Variants in RAB3C observed in about 807,000 individuals in gnomAD.
The protein encoded by RAB3C is ras-related protein Rab-3C.
In RAB3C, 17 loss-of-function variants were observed where a neutral mutation model predicts 26.4. That is an observed-to-expected ratio of 0.64 (90% CI 0.44 to 0.97). RAB3C has a LOEUF of 0.97. RAB3C is among the 50% of genes least tolerant of loss of function. The pLI, the probability that RAB3C is intolerant of heterozygous loss-of-function variation, is 0.00. For missense variants in RAB3C, 242 were observed against 281.9 expected, an observed-to-expected ratio of 0.86 and a Z score of 1.01; for synonymous variants, 91 against 95.9, an observed-to-expected ratio of 0.95 and a Z score of 0.30.
chr5:58,821,208 C>A (rs118136026), intron 3 of RAB3C, among the ~76,000 whole-genome samples: 1 of 152,168 alleles, frequency 6.6e-6, no homozygotes, highest in Non-Finnish European at 1.5e-5. Context: ...TCTGGTGAAC[C>A]CCTTGTCACT....
chr5:58,616,950 C>T (rs1746836645), intron 1 of RAB3C, among the ~76,000 whole-genome samples: 1 of 152,094 alleles, frequency 6.6e-6, no homozygotes, highest in Admixed American at 6.6e-5. Flanking sequence ...CTATTAACAC[C>T]TATATGAAGT....
intron 2 of RAB3C, among the ~76,000 whole-genome samples, chr5:58,688,575 C>G (rs1748494982): frequency 6.6e-6 from 1 of 152,144 alleles, no homozygotes; most frequent in Non-Finnish European, 1.5e-5. Context: ...TTTAGCTCCT[C>G]AACTCTCCTA....
At chr5:58,636,197 T>A (rs1747286180) in intron 2 of RAB3C, among the ~76,000 whole-genome samples, 1 of 152,204 alleles carries the variant, frequency 6.6e-6, no homozygotes, top group Non-Finnish European at 1.5e-5. Flanking sequence ...CTGCTCAGTT[T>A]CAAAGAGATC....
intron 3 of RAB3C, among the ~76,000 whole-genome samples, chr5:58,782,935 G>A (rs1285150308): frequency 2.6e-5 from 4 of 151,884 alleles, no homozygotes; most frequent in Admixed American, 6.6e-5. Context: ...GTCCCATAAT[G>A]TTATTTTTTT....
At chr5:58,725,880 G>C in intron 2 of RAB3C, 122 bp from the exon 3 acceptor site, 1 of 523,796 alleles carries the variant, frequency 1.9e-6, no homozygotes, top group Non-Finnish European at 3.4e-6. Context: ...AAAAAAGATA[G>C]ACAGCTATAC....
rs555828750 is a variant in RAB3C, at chr5:58,675,400, C to T, written c.253-50602C>T. Among the ~76,000 whole-genome samples the T allele has an allele frequency of 1.9e-4, 29 of 152,174 alleles. No individual in the cohort carries two copies. The South Asian group carries it at 5.4e-3, about 28-fold the overall frequency. ...CTTTTGAAGTTCCTTTGCAAAGATCCATTTTAAACTTTCTGTATATTGTAA... is the reference window on the plus strand; with the variant it reads ...CTTTTGAAGTTCCTTTGCAAAGATCTATTTTAAACTTTCTGTATATTGTAA... On this transcript the variant is annotated intron_variant, in intron 2 of 4. Coordinates refer to ENST00000282878, the MANE Select transcript of RAB3C (RefSeq NM_138453.4).
chr5:58,761,424 G>C (rs1007638657), intron 3 of RAB3C, among the ~76,000 whole-genome samples: 1 of 151,746 alleles, frequency 6.6e-6, no homozygotes, highest in Admixed American at 6.6e-5. Flanking sequence ...AATTTAATTT[G>C]GGGGTAACAA....
intron 1 of RAB3C, among the ~76,000 whole-genome samples, chr5:58,584,792 A>C (rs1745977244): frequency 6.6e-6 from 1 of 151,858 alleles, no homozygotes; most frequent in Admixed American, 6.6e-5. Flanking sequence ...ATATTTTTTC[A>C]ATCAAAATAA....
At chr5:58,661,127 C>G (rs1432862752) in intron 2 of RAB3C, among the ~76,000 whole-genome samples, 1 of 149,700 alleles carries the variant, frequency 6.7e-6, no homozygotes, top group Non-Finnish European at 1.5e-5. Flanking sequence ...TCATTTCTTT[C>G]AGGAAATAAA....
intron 2 of RAB3C, among the ~76,000 whole-genome samples, chr5:58,694,695 C>A (rs1185394055): frequency 6.6e-6 from 1 of 152,184 alleles, no homozygotes; most frequent in Non-Finnish European, 1.5e-5. Flanking sequence ...TGATGATGAG[C>A]ATTTTTTCAT....
chr5:58,702,192 T>C (rs969163087), intron 2 of RAB3C, among the ~76,000 whole-genome samples: 1 of 152,186 alleles, frequency 6.6e-6, no homozygotes, highest in African/African-American at 2.4e-5. Context: ...CACTTACTCT[T>C]ATGTGTAATT....
At chr5:58,737,465 G>C (rs1416749081) in intron 3 of RAB3C, among the ~76,000 whole-genome samples, 1 of 121,012 alleles carries the variant, frequency 8.3e-6, no homozygotes, top group Non-Finnish European at 1.7e-5. Flanking sequence ...CTTGTTTACT[G>C]TGTTTATTGG....
intron 2 of RAB3C, among the ~76,000 whole-genome samples, chr5:58,711,207 C>T (rs1749053261): frequency 6.6e-6 from 1 of 152,194 alleles, no homozygotes; most frequent in African/African-American, 2.4e-5. Flanking sequence ...TTTATTTTCT[C>T]TTCTCCCCTG....
intron 3 of RAB3C, among the ~76,000 whole-genome samples, chr5:58,789,506 C>A (rs919492874): frequency 6.6e-6 from 1 of 152,106 alleles, no homozygotes; most frequent in African/African-American, 2.4e-5. Context: ...GGAAGTATCT[C>A]ATTTATCTAG....
At chr5:58,687,774 T>C (rs1004180810) in intron 2 of RAB3C, among the ~76,000 whole-genome samples, 18 of 152,134 alleles carry the variant, frequency 1.2e-4, no homozygotes, top group African/African-American at 4.1e-4. Context: ...ACTCAAGATA[T>C]ACTAAAGAAA....
intron 1 of RAB3C, among the ~76,000 whole-genome samples, chr5:58,596,997 A>G (rs1579806670): frequency 1.1e-5 from 1 of 89,076 alleles, no homozygotes; most frequent in East Asian, 3.6e-4. Context: ...TATAATGCAT[A>G]ATATAATATA....
chr5:58,615,143 C>A (rs1164800165), intron 1 of RAB3C, among the ~76,000 whole-genome samples: 1 of 151,924 alleles, frequency 6.6e-6, no homozygotes, highest in Non-Finnish European at 1.5e-5. Flanking sequence ...TGGAATGGGA[C>A]CTGAAGTTGA....
At chr5:58,769,293 A>G (rs907234616) in intron 3 of RAB3C, among the ~76,000 whole-genome samples, 2 of 152,074 alleles carry the variant, frequency 1.3e-5, no homozygotes, top group African/African-American at 4.8e-5. Context: ...TGGCAGTTAG[A>G]TATTTGAGTA....
chr5:58,727,644 G>A (rs1026443840), intron 3 of RAB3C, among the ~76,000 whole-genome samples: 8 of 152,010 alleles, frequency 5.3e-5, no homozygotes, highest in African/African-American at 1.9e-4. Context: ...TCAATTAAGA[G>A]TGTTATGATA....
Sources: allele counts gnomAD v4.1 joint callset (sites outside exome capture counted in the v4.1 genomes callset), GRCh38; gene constraint gnomAD v4.1.1; transcripts MANE v1.5; gene names NCBI Gene and HGNC (gene_info 2026-07-23, HGNC 2026-07-21).